Variants in CNBD1 observed in about 807,000 individuals in gnomAD.
CNBD1 encodes cyclic nucleotide binding domain containing 1, also known as cyclic nucleotide-binding domain-containing protein 1.
In CNBD1, 71 loss-of-function variants were observed where a neutral mutation model predicts 54.4. The ratio of observed to expected loss-of-function variants is 1.30; its 90% CI spans 1.08 to 1.59. CNBD1 has a LOEUF of 1.59. Among genes scored for constraint, CNBD1 ranks in the 40% most tolerant of loss-of-function variants. The probability of loss-of-function intolerance (pLI) is 0.00; values close to 1 mark genes in which losing one functional copy is unlikely to be tolerated. For missense variants in CNBD1, 659 were observed against 518.0 expected (o/e 1.27, Z -2.64); for synonymous variants, 182 against 170.7 (o/e 1.07, Z -0.51).
chr8:86,938,432 A>T (rs1809589407), intron 3 of CNBD1, among the ~76,000 whole-genome samples: 1 of 151,960 alleles, frequency 6.6e-6, no homozygotes, highest in South Asian at 2.1e-4. Context: ...ACTGCTAATA[A>T]AGACATACCC....
At chr8:87,313,792 T>C (rs146960698) in intron 8 of CNBD1, among the ~76,000 whole-genome samples, 45 of 152,054 alleles carry the variant, frequency 3.0e-4, no homozygotes, top group African/African-American at 9.4e-4. Context: ...TTATATGCAT[T>C]TAATTTTTTA....
chr8:86,928,793 G>T (rs1809408787), intron 3 of CNBD1, among the ~76,000 whole-genome samples: 1 of 152,224 alleles, frequency 6.6e-6, no homozygotes, highest in Non-Finnish European at 1.5e-5. Context: ...CAACTTGTCA[G>T]ATGGTCTGTA....
At chr8:87,335,983 TG>T (rs1490115599) in intron 8 of CNBD1, among the ~76,000 whole-genome samples, 1 of 152,190 alleles carries the variant, frequency 6.6e-6, no homozygotes, top group Non-Finnish European at 1.5e-5. Context: ...TGGCTGGATA[TG>T]GGTTGAAAAT....
downstream of CNBD1, among the ~76,000 whole-genome samples, chr8:87,383,220 A>C (rs1225783803): frequency 2.6e-5 from 4 of 152,064 alleles, no homozygotes. Context: ...CAGTTAATTT[A>C]AAAAATAACA....
intron 4 of CNBD1, among the ~76,000 whole-genome samples, chr8:87,096,338 G>T: frequency 1.4e-5 from 2 of 138,936 alleles, no homozygotes; most frequent in African/African-American, 2.8e-5. Flanking sequence ...ATAGCTCTCT[G>T]GTGTCTTTTT....
chr8:86,889,948 G>T (rs529910196), intron 2 of CNBD1, among the ~76,000 whole-genome samples: 30 of 151,902 alleles, frequency 2.0e-4, no homozygotes, highest in Non-Finnish European at 3.7e-4. Context: ...TTTAACTATT[G>T]TCTGGAGAGC....
Position 87,256,006 on chromosome 8 carries a change from TATATATA to T in CNBD1, c.771+18895_771+18901del, listed in dbSNP as rs1337765515. On this transcript the variant is annotated intron_variant, in intron 6 of 10. Coordinates refer to ENST00000518476, the MANE Select transcript of CNBD1 (RefSeq NM_173538.3). Reference sequence around the variant, plus strand: ...ATATATATATATATATATATATATATATATATATATTTTTTTTTTTTTTTTTTTTTTT... The same window carrying T: ...ATATATATATATATATATATATATATTATTTTTTTTTTTTTTTTTTTTTTT... 2.2e-3 allele frequency among the ~76,000 whole-genome samples: 46 copies of T among 20,666 alleles called. 1 individual carries two copies. The highest frequency in any genetic ancestry group is 7.6e-3 in the African/African-American group (31 of 4,092). 13.6% of individuals were successfully genotyped at this position (20,666 alleles called of 152,430 possible).
rs568596249 is a variant in CNBD1, at chr8:87,357,129, C to T, written c.1303+3343C>T. Among the ~76,000 whole-genome samples the T allele has an allele frequency of 2.6e-5, 4 of 152,276 alleles. No homozygotes were observed. In the South Asian group the frequency reaches 8.3e-4, roughly 32 times the overall value. ...TCTACCTAGATTTCAGAGAATGTAT[C>T]AGAAAGCCTTCCAGAGAGAAGGCTC... On this transcript the variant is annotated intron_variant, in intron 10 of 10. Transcript: ENST00000518476.
intron 4 of CNBD1, among the ~76,000 whole-genome samples, chr8:87,109,968 C>T (rs548327389): frequency 2.0e-5 from 3 of 152,276 alleles, no homozygotes; most frequent in East Asian, 1.9e-4. Flanking sequence ...CTTCTTTTTC[C>T]TGATATTCCA....
chr8:86,900,809 CT>C (rs1271829318), intron 2 of CNBD1, among the ~76,000 whole-genome samples: 8 of 152,136 alleles, frequency 5.3e-5, no homozygotes, highest in Non-Finnish European at 1.0e-4. Flanking sequence ...CCTTTTATGA[CT>C]GATCAATATC....
chr8:86,919,990 T>G (rs1442755207), intron 3 of CNBD1, among the ~76,000 whole-genome samples: 1 of 152,094 alleles, frequency 6.6e-6, no homozygotes, highest in Non-Finnish European at 1.5e-5. Flanking sequence ...TTTGATATGT[T>G]TCTTTTTCTT....
chr8:87,375,835 C>A (rs909141973), intron 10 of CNBD1, among the ~76,000 whole-genome samples: 1 of 151,850 alleles, frequency 6.6e-6, no homozygotes, highest in African/African-American at 2.4e-5. Context: ...TAAATACTTT[C>A]CTAATATGCT....
chr8:87,127,689 A>C (rs1446335463), intron 4 of CNBD1, among the ~76,000 whole-genome samples: 1 of 152,160 alleles, frequency 6.6e-6, no homozygotes, highest in African/African-American at 2.4e-5. Flanking sequence ...AATGTTTAAC[A>C]AGAGTGATGA....
chr8:87,226,911 A>C (rs1239525033), intron 5 of CNBD1, among the ~76,000 whole-genome samples: 1 of 151,558 alleles, frequency 6.6e-6, no homozygotes, highest in African/African-American at 2.4e-5. Context: ...TTGCTTTATG[A>C]ATCTGGGTGC....
At chr8:87,190,216 A>G (rs1035967425) in intron 4 of CNBD1, among the ~76,000 whole-genome samples, 1 of 152,148 alleles carries the variant, frequency 6.6e-6, no homozygotes, top group Non-Finnish European at 1.5e-5. Context: ...ATTTCTGAAT[A>G]TGTTCATGTA....
intron 2 of CNBD1, among the ~76,000 whole-genome samples, chr8:87,402,427 A>G (rs961534352): frequency 4.6e-5 from 7 of 152,094 alleles, no homozygotes; most frequent in Admixed American, 1.3e-4. Context: ...GGATTAATGT[A>G]CATCAATTAA....
At chr8:87,264,883 G>C (rs898225958) in intron 6 of CNBD1, among the ~76,000 whole-genome samples, 3 of 151,990 alleles carry the variant, frequency 2.0e-5, no homozygotes, top group African/African-American at 7.3e-5. Flanking sequence ...TAAGTTCTTT[G>C]TAGATTTCGG....
intron 4 of CNBD1, among the ~76,000 whole-genome samples, chr8:87,197,091 A>C (rs2130790567): frequency 6.6e-6 from 1 of 152,338 alleles, no homozygotes; most frequent in East Asian, 1.9e-4. Flanking sequence ...CATAATAAGG[A>C]TAATTTTAAT....
intron 3 of CNBD1, among the ~76,000 whole-genome samples, chr8:86,933,031 A>T (rs576176857): frequency 6.6e-6 from 1 of 152,204 alleles, no homozygotes; most frequent in Non-Finnish European, 1.5e-5. Flanking sequence ...TTAGACCACA[A>T]AGAGGACGGA....
Sources: allele counts gnomAD v4.1 joint callset (sites outside exome capture counted in the v4.1 genomes callset), GRCh38; gene constraint gnomAD v4.1.1; transcripts MANE v1.5; gene names NCBI Gene and HGNC (gene_info 2026-07-23, HGNC 2026-07-21).